The following HEPHL1 variants were observed in gnomAD, a reference collection of about 807,000 sequenced individuals.
HEPHL1 encodes hephaestin like 1.
Under a neutral mutation model 122.0 loss-of-function variants are expected in HEPHL1, and 123 were observed. The observed-to-expected ratio is 1.01, with a 90% CI of 0.87 to 1.17. HEPHL1 has a LOEUF of 1.17. Ranked by LOEUF, HEPHL1 falls within the 50% of genes most tolerant of loss-of-function variation. The probability of loss-of-function intolerance (pLI) is 0.00; values close to 1 mark genes in which losing one functional copy is unlikely to be tolerated. For missense variants in HEPHL1, 1,452 were observed against 1,430.5 expected (o/e 1.01, Z -0.24); for synonymous variants, 527 against 508.9 (o/e 1.04, Z -0.48).
At chr11:94,110,795 C>A in intron 17 of HEPHL1, 108 bp from the exon 18 acceptor site, 1 of 774,790 alleles carries the variant, frequency 1.3e-6, no homozygotes, top group Non-Finnish European at 2.0e-6. Context: ...TTTCTTATGT[C>A]CTTCCTTTTG....
At chr11:94,085,586 T>A (rs575024534) in intron 10 of HEPHL1, among the ~76,000 whole-genome samples, 1 of 152,188 alleles carries the variant, frequency 6.6e-6, no homozygotes, top group Admixed American at 6.5e-5. Flanking sequence ...GAGGGTCTTG[T>A]AGAATTCAAT....
chr11:94,042,887 A>AAAAAAAAAAAAAC (rs1945798974), intron 1 of HEPHL1, among the ~76,000 whole-genome samples: 3 of 144,396 alleles, frequency 2.1e-5, no homozygotes, highest in Non-Finnish European at 4.5e-5. Flanking sequence ...AAAAAAAAAA[A>AAAAAAAAAAAAAC]AAAAAACTGC....
At chr11:94,032,976 T>C (rs1945689613) in intron 1 of HEPHL1, among the ~76,000 whole-genome samples, 2 of 152,076 alleles carry the variant, frequency 1.3e-5, no homozygotes, top group South Asian at 4.1e-4. Flanking sequence ...TCCCAAGTGC[T>C]AGGAGGCCAC....
In HEPHL1 at chr11:94,085,089, A is replaced by C. The variant is rs370021998; in HGVS notation, c.1868-888A>C. 1.4e-4 allele frequency among the ~76,000 whole-genome samples: 21 copies of C among 152,294 alleles called. No homozygotes were observed. In the East Asian group the frequency reaches 2.7e-3, roughly 20 times the overall value. ...TTAGTAGAGAGCAGGAGGGGGGTAGAAATATTTATTTCTCCAAGAAACATC... is the reference window on the plus strand; with the variant it reads ...TTAGTAGAGAGCAGGAGGGGGGTAGCAATATTTATTTCTCCAAGAAACATC... On this transcript the variant is annotated intron_variant, in intron 10 of 19. Coordinates refer to ENST00000315765, the MANE Select transcript of HEPHL1 (RefSeq NM_001098672.2).
chr11:94,042,403 C>T (rs1271538549), intron 1 of HEPHL1, among the ~76,000 whole-genome samples: 13 of 141,772 alleles, frequency 9.2e-5, no homozygotes, highest in Non-Finnish European at 1.5e-4. Flanking sequence ...ATAAATCATG[C>T]TGCTATAAAG....
intron 6 of HEPHL1, 140 bp from the exon 7 acceptor site, chr11:94,072,885 A>G: frequency 1.4e-6 from 1 of 703,130 alleles, no homozygotes. Context: ...ATTCCTGGGA[A>G]CTCTGTCAAG....
chr11:94,042,887 A>ACAAAAAACAAACAAAC (rs1464924524), intron 1 of HEPHL1, among the ~76,000 whole-genome samples: 5 of 144,308 alleles, frequency 3.5e-5, no homozygotes, highest in African/African-American at 7.8e-5. Context: ...AAAAAAAAAA[A>ACAAAAAACAAACAAAC]AAAAAACTGC....
chr11:94,077,227 A>C (rs1946133398), intron 9 of HEPHL1, among the ~76,000 whole-genome samples: 2 of 152,194 alleles, frequency 1.3e-5, no homozygotes, highest in Non-Finnish European at 2.9e-5. Context: ...TGACATTATC[A>C]AATCTACATA....
rs1431606562 is a variant in HEPHL1, at chr11:94,088,928, T to C, written c.2254T>C (p.Trp752Arg). ...VEWDYAPNKNWEFEKQHVDAR... is the reference protein window; with the variant it reads ...VEWDYAPNKNREFEKQHVDAR... ...ATGGGATTATGCCCCTAACAAAAAC[T>C]GGGAGTTCGAAAAGCAGCACGTGGA... The change falls in exon 12 of 20, where the codon TGG (tryptophan) becomes CGG (arginine). Residue 752 changes from tryptophan (W) to arginine (R), a missense_variant. Physicochemically the swap from Trp to Arg is moderately radical, Grantham distance 101. Transcript: ENST00000315765. 1.2e-6 allele frequency: 2 copies of C among 1,613,912 alleles called. No individual in the cohort carries two copies. Among genetic ancestry groups the C allele is most frequent in the South Asian group, 2.2e-5 (2 of 91,078 alleles).
At chr11:94,100,124 G>A (rs949921485) in intron 13 of HEPHL1, among the ~76,000 whole-genome samples, 1 of 152,180 alleles carries the variant, frequency 6.6e-6, no homozygotes, top group African/African-American at 2.4e-5. Context: ...GCTGTAGACT[G>A]GAGCTGTTCC....
chr11:94,045,523 A>G (rs1173056403), intron 1 of HEPHL1, 150 bp from the exon 2 acceptor site: 6 of 632,476 alleles, frequency 9.5e-6, no homozygotes, highest in Non-Finnish European at 1.6e-5. Flanking sequence ...TAGTAAATTG[A>G]GGATAATCTT....
At chr11:94,093,673 C>T in intron 13 of HEPHL1, 33 bp downstream of exon 13, 4 of 1,600,628 alleles carry the variant, frequency 2.5e-6, no homozygotes, top group Non-Finnish European at 3.4e-6. Flanking sequence ...GCACTGTCAG[C>T]CCCAAGCATG....
intron 4 of HEPHL1, among the ~76,000 whole-genome samples, chr11:94,066,451 G>T (rs1025736092): frequency 5.9e-5 from 9 of 152,090 alleles, no homozygotes; most frequent in African/African-American, 2.2e-4. Context: ...CTACTGGGGA[G>T]GCTGAGGCAC....
rs149421537 is a variant in HEPHL1 at position 94,091,700 on chromosome 11, T to C, written c.2295-1801T>C. Among the ~76,000 whole-genome samples the C allele has an allele frequency of 1.6e-4, 24 of 152,168 alleles. No homozygotes were observed. In the East Asian group the frequency reaches 4.6e-3, roughly 29 times the overall value. ...TATGGCAGAAGCACACAGCCCTGTCTTGAGGAAAGGTAGGGAGAAGGTTGG... is the reference window on the plus strand; with the variant it reads ...TATGGCAGAAGCACACAGCCCTGTCCTGAGGAAAGGTAGGGAGAAGGTTGG... On this transcript the variant is annotated intron_variant, in intron 12 of 19. Transcript: ENST00000315765.
chr11:94,066,960 A>AAACG (rs1946040495), intron 4 of HEPHL1, among the ~76,000 whole-genome samples: 1 of 152,230 alleles, frequency 6.6e-6, no homozygotes, highest in Admixed American at 6.5e-5. Flanking sequence ...ACAAACAAAC[A>AAACG]AACAAAACAG....
At position 94,099,969 on chromosome 11, in the gene HEPHL1, C is replaced by T. The variant is rs185974841; in HGVS notation, c.2435-1226C>T. ...GACCCCTTGTGCTTCCCAGGTAAGG[C>T]GATGCCTCTCCCTGCTTCGGCTCAC... On this transcript the variant is annotated intron_variant, in intron 13 of 19. Transcript: ENST00000315765. Among the ~76,000 whole-genome samples the T allele has an allele frequency of 2.3e-3, 350 of 152,236 alleles. 1 individual carries two copies. Among genetic ancestry groups the T allele is most frequent in the Non-Finnish European group, 3.2e-3 (216 of 68,014 alleles).
At chr11:94,064,244 C>A in intron 3 of HEPHL1, 87 bp from the exon 4 acceptor site, 1 of 1,028,644 alleles carries the variant, frequency 9.7e-7, no homozygotes, top group Non-Finnish European at 1.4e-6. Context: ...CTTCACCAAA[C>A]TTCACACTTG....
intron 12 of HEPHL1, among the ~76,000 whole-genome samples, chr11:94,092,345 A>G (rs1020902906): frequency 6.6e-6 from 1 of 152,198 alleles, no homozygotes; most frequent in African/African-American, 2.4e-5. Context: ...CCTACTTGCT[A>G]AAATTTATTT....
At chr11:94,096,383 G>T (rs1039027422) in intron 13 of HEPHL1, among the ~76,000 whole-genome samples, 1 of 152,138 alleles carries the variant, frequency 6.6e-6, no homozygotes, top group Admixed American at 6.5e-5. Context: ...ACTTGATCAT[G>T]GTGGATAAAC....
Sources: gnomAD v4.1 joint callset for allele counts (sites outside exome capture counted in the v4.1 genomes callset) on GRCh38, gnomAD v4.1.1 for gene constraint, MANE v1.5 for transcripts, NCBI Gene and HGNC (gene_info 2026-07-23, HGNC 2026-07-21) for gene names.